Variants in VIPR2 observed in about 807,000 individuals in gnomAD.
VIPR2 encodes vasoactive intestinal peptide receptor 2.
In VIPR2, 48 loss-of-function variants were observed where a neutral mutation model predicts 58.0. The ratio of observed to expected loss-of-function variants is 0.83; its 90% CI spans 0.66 to 1.05. VIPR2 has a LOEUF of 1.05. Among genes scored for constraint, VIPR2 ranks in the 50% least tolerant of loss-of-function variants. The pLI is 0.00. For missense variants in VIPR2, 534 were observed against 558.0 expected, an observed-to-expected ratio of 0.96 and a Z score of 0.43; for synonymous variants, 243 against 235.2, an observed-to-expected ratio of 1.03 and a Z score of -0.30.
At chr7:159,121,180 C>T (rs1796441183) in intron 2 of VIPR2, among the ~76,000 whole-genome samples, 1 of 151,602 alleles carries the variant, frequency 6.6e-6, no homozygotes, top group African/African-American at 2.4e-5. Flanking sequence ...GGTCACCTCC[C>T]TCCCTCCCTC....
chr7:159,108,084 C>A (rs1795840590), intron 3 of VIPR2, among the ~76,000 whole-genome samples: 1 of 152,220 alleles, frequency 6.6e-6, no homozygotes, highest in Non-Finnish European at 1.5e-5. Flanking sequence ...ATGGGAGGAG[C>A]AGCCATCACA....
chr7:159,113,706 C>A (rs1796128491), intron 2 of VIPR2, among the ~76,000 whole-genome samples: 1 of 152,150 alleles, frequency 6.6e-6, no homozygotes, highest in African/African-American at 2.4e-5. Context: ...TGTGGCTCAA[C>A]TGTGATGGCA....
chr7:159,034,296 A>G lies in VIPR2; in HGVS notation c.888T>C (p.Phe296=). Residue 296 remains phenylalanine (F), a synonymous_variant, in exon 10 of 13, where the codon TTT becomes TTC. Transcript: ENST00000262178. ...IPILISIIVN[F]VLFISIIRIL... is the part of the protein sequence containing the mutation. ...TTCGTATAATACTAATGAAAAGGAC[A>G]AAATTGACCTGCACAAGAGATAATA... is the stretch of plus-strand genomic sequence containing the variant. 6.2e-7 allele frequency: 1 copy of G among 1,613,856 alleles called. No individual in the cohort carries two copies. Among genetic ancestry groups the G allele is most frequent in the Middle Eastern group, 1.6e-4 (1 of 6,062 alleles).
At chr7:159,102,186 C>CCCT (rs1858338356) in intron 4 of VIPR2, among the ~76,000 whole-genome samples, 1 of 151,060 alleles carries the variant, frequency 6.6e-6, no homozygotes. Context: ...GAGGCGGTTC[C>CCCT]AACTGTTCCT....
In VIPR2 at chr7:159,103,745, G is replaced by A. The variant is rs17837874; in HGVS notation, c.357+12C>T. Reference sequence around the variant, plus strand: ...TGGAACCTCACCACCGTAGCACCACGCAGGAGCCTACCTTGCTCTCATCCT... The same window carrying A: ...TGGAACCTCACCACCGTAGCACCACACAGGAGCCTACCTTGCTCTCATCCT... On this transcript the variant is annotated intron_variant, in intron 4 of 12. Coordinates refer to ENST00000262178, the MANE Select transcript of VIPR2 (RefSeq NM_003382.5). The A allele has an allele frequency of 0.11, 174,310 of 1,610,134 alleles. 12,300 individuals are homozygous for A. The highest frequency in any genetic ancestry group is 0.35 in the African/African-American group (26,154 of 74,838).
At chr7:159,044,419 T>C (rs1854522827) in intron 5 of VIPR2, among the ~76,000 whole-genome samples, 1 of 151,730 alleles carries the variant, frequency 6.6e-6, no homozygotes, top group African/African-American at 2.4e-5. Flanking sequence ...CAACAAAAAA[T>C]ATAAAGCAAA....
intron 4 of VIPR2, among the ~76,000 whole-genome samples, chr7:159,102,778 G>A (rs867901356): frequency 6.6e-5 from 10 of 152,218 alleles, no homozygotes; most frequent in South Asian, 4.1e-4. Context: ...GGTTTTGCCC[G>A]GAATGCTGTG....
intron 8 of VIPR2, among the ~76,000 whole-genome samples, chr7:159,035,248 G>C (rs1651616795): frequency 6.6e-6 from 1 of 152,100 alleles, no homozygotes; most frequent in African/African-American, 2.4e-5. Flanking sequence ...TTTCCCTCGG[G>C]GGCCGAGGGC....
chr7:159,069,388 C>A (rs1335155407), intron 4 of VIPR2, among the ~76,000 whole-genome samples: 3 of 152,178 alleles, frequency 2.0e-5, no homozygotes, highest in Admixed American at 6.5e-5. Flanking sequence ...CGGCTGTAGG[C>A]CCCAGACAAC....
chr7:159,086,031 A>G (rs1857153157), intron 4 of VIPR2, among the ~76,000 whole-genome samples: 1 of 152,204 alleles, frequency 6.6e-6, no homozygotes, highest in African/African-American at 2.4e-5. Context: ...TCAATATTAT[A>G]CCAAAGCCAT....
chr7:159,118,466 C>G (rs1423691062), intron 2 of VIPR2, among the ~76,000 whole-genome samples: 1 of 152,186 alleles, frequency 6.6e-6, no homozygotes, highest in Non-Finnish European at 1.5e-5. Context: ...GGGAGAACAG[C>G]GTGCTCAGCA....
At chr7:159,041,152 C>A (rs558700283) in intron 6 of VIPR2, among the ~76,000 whole-genome samples, 1 of 152,174 alleles carries the variant, frequency 6.6e-6, no homozygotes, top group East Asian at 1.9e-4. Flanking sequence ...CTTCTGAAGG[C>A]GAATGAGTGT....
Position 159,031,515 on chromosome 7 carries a change from C to G in VIPR2, c.1143+313G>C. 5.1e-6 allele frequency: 5 copies of G among 985,230 alleles called. No homozygotes were observed. The highest frequency in any genetic ancestry group is 6.0e-6 in the Non-Finnish European group (5 of 829,894). The allele number at this position is 985,230 out of a possible 1,614,324, so 61.0% of individuals were successfully genotyped here. ...TCACAAGCTATGGTCAGGAGCGAGACGCCGACCATGGGGAAAAACAGATTC... is the reference window on the plus strand; with the variant it reads ...TCACAAGCTATGGTCAGGAGCGAGAGGCCGACCATGGGGAAAAACAGATTC... On this transcript the variant is annotated intron_variant, in intron 12 of 12. Coordinates refer to ENST00000262178, the MANE Select transcript of VIPR2 (RefSeq NM_003382.5). The surrounding 1 kb of genome is among the most constrained non-coding windows in gnomAD (Gnocchi z 4.0).
intron 9 of VIPR2, 51 bp from the exon 10 acceptor site, chr7:159,034,355 G>T (rs779586983): frequency 1.7e-5 from 27 of 1,579,438 alleles, no homozygotes; most frequent in Non-Finnish European, 2.3e-5. Flanking sequence ...TCCCTAATTT[G>T]CCCTGAAGTC....
chr7:159,049,300 GA>G (rs113039331), intron 5 of VIPR2, among the ~76,000 whole-genome samples: 5,045 of 152,296 alleles, frequency 0.033, 256 homozygotes, highest in African/African-American at 0.11. Context: ...GGCCGTGAAG[GA>G]GGATACCTCA....
intron 3 of VIPR2, 40 bp downstream of exon 3, chr7:159,109,769 AAAC>A (rs1464061560): frequency 6.3e-7 from 1 of 1,580,734 alleles, no homozygotes; most frequent in African/African-American, 1.3e-5. Context: ...GCTCAGATGC[AAAC>A]ACCCTGGAGG....
intron 4 of VIPR2, among the ~76,000 whole-genome samples, chr7:159,076,038 T>C (rs1729828086): frequency 6.6e-6 from 1 of 152,238 alleles, no homozygotes; most frequent in Non-Finnish European, 1.5e-5. Flanking sequence ...TGGGTCACCC[T>C]GTTCTGTACA....
Position 159,097,890 on chromosome 7 carries a change from CT to C in VIPR2, c.357+5866del, listed in dbSNP as rs1857962307. Among the ~76,000 whole-genome samples, 1 of 152,162 alleles carries C rather than the reference CT, an allele frequency of 6.6e-6. No individual in the cohort carries two copies. Among genetic ancestry groups the C allele is most frequent in the Non-Finnish European group, 1.5e-5 (1 of 68,030 alleles). The stretch of plus-strand genomic sequence containing the variant: ...CAGGCCTGGACTGCTGAGGCCAAGG[CT>C]TCTGGCCTCTCGTGTAAGGATTCCA... On this transcript the variant is annotated intron_variant, in intron 4 of 12. Coordinates refer to ENST00000262178, the MANE Select transcript of VIPR2 (RefSeq NM_003382.5). The surrounding 1 kb of genome is among the most constrained non-coding windows in gnomAD (Gnocchi z 5.3).
At chr7:159,044,186 T>C (rs1255785044) in intron 5 of VIPR2, among the ~76,000 whole-genome samples, 1 of 152,132 alleles carries the variant, frequency 6.6e-6, no homozygotes, top group Admixed American at 6.5e-5. Context: ...TTTTATCTCT[T>C]TGACTCCAGG....
Sources: gnomAD v4.1 joint callset for allele counts (sites outside exome capture counted in the v4.1 genomes callset) on GRCh38, gnomAD v4.1.1 for gene constraint, Gnocchi (gnomAD v3.1) non-coding constraint, MANE v1.5 for transcripts, NCBI Gene and HGNC (gene_info 2026-07-23, HGNC 2026-07-21) for gene names.